The following FSIP1 variants were observed in gnomAD, a reference collection of about 807,000 sequenced individuals.
FSIP1 encodes the protein fibrous sheath interacting protein 1.
Under a neutral mutation model 60.9 loss-of-function variants are expected in FSIP1, and 65 were observed. The observed-to-expected ratio is 1.07, with a 90% confidence interval of 0.87 to 1.31. The LOEUF (loss-of-function observed/expected upper bound fraction) is 1.31. FSIP1 is among the 40% of genes most tolerant of loss of function. The pLI is 0.00. For synonymous variants in FSIP1, 209 were observed against 221.2 expected (o/e 0.94, Z 0.49); for missense variants, 675 against 665.5 (o/e 1.01, Z -0.16).
At chr15:39,607,976 C>T (rs1890888296) in intron 11 of FSIP1, among the ~76,000 whole-genome samples, 1 of 152,150 alleles carries the variant, frequency 6.6e-6, no homozygotes, top group Non-Finnish European at 1.5e-5. Context: ...AAAACTGACA[C>T]AGCATTCAGT....
chr15:39,776,565 G>T, intron 1 of FSIP1, 34 bp from the exon 2 acceptor site: 2 of 1,516,016 alleles, frequency 1.3e-6, no homozygotes, highest in South Asian at 1.2e-5. Flanking sequence ...AATACCAAGC[G>T]ACTCGGATAT....
At chr15:39,634,535 A>G (rs547284898) in intron 10 of FSIP1, among the ~76,000 whole-genome samples, 1 of 152,330 alleles carries the variant, frequency 6.6e-6, no homozygotes, top group African/African-American at 2.4e-5. Context: ...AGCATATTAT[A>G]CATTTCATAA....
chr15:39,697,672 T>C (rs1231880413), intron 10 of FSIP1, among the ~76,000 whole-genome samples: 1 of 152,216 alleles, frequency 6.6e-6, no homozygotes, highest in Admixed American at 6.5e-5. Flanking sequence ...AAAGTTTCCA[T>C]CATTTTAGAT....
At chr15:39,633,091 C>CTTTTTTTTTTTT (rs869063502) in intron 10 of FSIP1, among the ~76,000 whole-genome samples, 34 of 112,884 alleles carry the variant, frequency 3.0e-4, no homozygotes, top group East Asian at 1.1e-3. Context: ...GGCTATACTT[C>CTTTTTTTTTTTT]TTTTTTTTTT....
chr15:39,629,014 T>G (rs960184866), intron 10 of FSIP1, among the ~76,000 whole-genome samples: 1 of 152,214 alleles, frequency 6.6e-6, no homozygotes, highest in Non-Finnish European at 1.5e-5. Context: ...GTCTGGAAGC[T>G]GGCAGCAGCA....
intron 10 of FSIP1, among the ~76,000 whole-genome samples, chr15:39,710,319 C>G (rs1215161653): frequency 6.6e-6 from 1 of 151,572 alleles, no homozygotes; most frequent in East Asian, 1.9e-4. Flanking sequence ...CCCGTCTCTC[C>G]TAAATATAAA....
At chr15:39,775,737 T>C (rs72727092) in intron 2 of FSIP1, among the ~76,000 whole-genome samples, 13,366 of 152,168 alleles carry the variant, frequency 0.088, 694 homozygotes, top group African/African-American at 0.12. Flanking sequence ...TCCAACCATG[T>C]AGGATGTGCC....
chr15:39,780,755 G>A (rs1310462427), intron 1 of FSIP1, among the ~76,000 whole-genome samples: 2 of 152,070 alleles, frequency 1.3e-5, no homozygotes, highest in Non-Finnish European at 2.9e-5. Context: ...CGTTGTTATT[G>A]TTATTGTATT....
intron 10 of FSIP1, among the ~76,000 whole-genome samples, chr15:39,700,861 T>C (rs188065034): frequency 6.6e-4 from 100 of 152,284 alleles, no homozygotes; most frequent in Admixed American, 2.4e-3. Flanking sequence ...CCATTTAAAA[T>C]ACAGCTTTGA....
At chr15:39,617,589 T>C in intron 11 of FSIP1, 146 bp downstream of exon 11, 1 of 647,602 alleles carries the variant, frequency 1.5e-6, no homozygotes, top group East Asian at 2.7e-5. Flanking sequence ...CATTGGGAAA[T>C]AGGTTTTATG....
chr15:39,609,122 A>G (rs1157028243), intron 11 of FSIP1, among the ~76,000 whole-genome samples: 1 of 152,170 alleles, frequency 6.6e-6, no homozygotes, highest in Non-Finnish European at 1.5e-5. Flanking sequence ...GGGCTAGACC[A>G]CCTAGGATCA....
intron 11 of FSIP1, among the ~76,000 whole-genome samples, chr15:39,609,006 C>T (rs1382342765): frequency 6.6e-6 from 1 of 152,150 alleles, no homozygotes; most frequent in African/African-American, 2.4e-5. Flanking sequence ...AGAGTTTCTA[C>T]AGTGGGAAAA....
chr15:39,659,699 T>A (rs1460495057), intron 10 of FSIP1, among the ~76,000 whole-genome samples: 2 of 151,990 alleles, frequency 1.3e-5, no homozygotes, highest in Non-Finnish European at 2.9e-5. Context: ...TGCCTGTTTT[T>A]ATTTGTGTCT....
intron 9 of FSIP1, among the ~76,000 whole-genome samples, chr15:39,723,952 G>A (rs898318114): frequency 6.6e-6 from 1 of 152,222 alleles, no homozygotes; most frequent in Non-Finnish European, 1.5e-5. Context: ...ATGCCAAAGG[G>A]AAATTGAACA....
intron 5 of FSIP1, chr15:39,747,534 T>C (rs1433281958): frequency 6.6e-6 from 1 of 152,180 alleles, no homozygotes; most frequent in Non-Finnish European, 1.5e-5. Context: ...GCCTAGAGTA[T>C]GGTTTCAAGT....
intron 11 of FSIP1, chr15:39,602,307 A>G (rs2140358921): frequency 2.2e-6 from 1 of 456,280 alleles, no homozygotes; most frequent in East Asian, 7.0e-5. Context: ...AGCCAGGAGA[A>G]GCTGGAAGAA....
intron 10 of FSIP1, among the ~76,000 whole-genome samples, chr15:39,625,940 T>C (rs372948362): frequency 2.0e-5 from 3 of 152,208 alleles, no homozygotes; most frequent in African/African-American, 7.2e-5. Context: ...TAGTTATGAG[T>C]ATCATTTGCA....
chr15:39,608,221 C>T (rs369458476), intron 11 of FSIP1, among the ~76,000 whole-genome samples: 94 of 152,264 alleles, frequency 6.2e-4, no homozygotes, highest in African/African-American at 2.1e-3. Flanking sequence ...TAATCATAGT[C>T]ACAGGGTTAA....
chr15:39,670,432 T>C (rs188715621), intron 10 of FSIP1, among the ~76,000 whole-genome samples: 85 of 152,312 alleles, frequency 5.6e-4, no homozygotes, highest in Middle Eastern at 3.4e-3. Flanking sequence ...AAAAGAACCA[T>C]ATATTAGATG....
Sources: gnomAD v4.1 joint callset for allele counts (sites outside exome capture counted in the v4.1 genomes callset) on GRCh38, gnomAD v4.1.1 for gene constraint, MANE v1.5 for transcripts, NCBI Gene and HGNC (gene_info 2026-07-23, HGNC 2026-07-21) for gene names.